Variants in DIAPH3 observed in about 807,000 individuals in gnomAD.
DIAPH3 encodes the protein protein diaphanous homolog 3.
In DIAPH3, 117 loss-of-function variants were observed where a neutral mutation model predicts 144.3. The observed-to-expected ratio is 0.81, with a 90% CI of 0.70 to 0.95. The LOEUF (loss-of-function observed/expected upper bound fraction) is 0.95. Among genes scored for constraint, DIAPH3 ranks in the 40% least tolerant of loss-of-function variants. The pLI, the probability that DIAPH3 is intolerant of heterozygous loss-of-function variation, is 0.00. For synonymous variants in DIAPH3, 519 were observed against 488.9 expected, an observed-to-expected ratio of 1.06 and a Z score of -0.81; for missense variants, 1,421 against 1,412.7, an observed-to-expected ratio of 1.01 and a Z score of -0.09.
intron 20 of DIAPH3, 63 bp from the exon 21 acceptor site, chr13:59,879,531 C>T (rs1022711780): frequency 5.6e-6 from 9 of 1,600,170 alleles, no homozygotes; most frequent in Non-Finnish European, 7.7e-6. Context: ...TACTGTACGA[C>T]TGCAAGTAAT....
chr13:59,864,850 A>C (rs905420096), intron 21 of DIAPH3, among the ~76,000 whole-genome samples: 1 of 152,050 alleles, frequency 6.6e-6, no homozygotes, highest in Non-Finnish European at 1.5e-5. Flanking sequence ...AGTATTAAAA[A>C]GTACACTCAC....
At chr13:59,942,603 C>T (rs756992916) in intron 17 of DIAPH3, among the ~76,000 whole-genome samples, 1 of 152,062 alleles carries the variant, frequency 6.6e-6, no homozygotes, top group African/African-American at 2.4e-5. Context: ...CACATTAATA[C>T]AAATATTCCC....
At chr13:59,821,771 T>C (rs531414878) in intron 24 of DIAPH3, among the ~76,000 whole-genome samples, 1 of 152,164 alleles carries the variant, frequency 6.6e-6, no homozygotes, top group Non-Finnish European at 1.5e-5. Context: ...AAAACTGTTA[T>C]CAATGAAAAT....
At chr13:59,708,796 T>G (rs1298560497) in intron 27 of DIAPH3, among the ~76,000 whole-genome samples, 1 of 152,188 alleles carries the variant, frequency 6.6e-6, no homozygotes, top group African/African-American at 2.4e-5. Flanking sequence ...GAATGCATTT[T>G]CTGAATGCTT....
At chr13:59,762,415 T>G (rs1042637197) in intron 27 of DIAPH3, among the ~76,000 whole-genome samples, 1 of 151,912 alleles carries the variant, frequency 6.6e-6, no homozygotes, top group Non-Finnish European at 1.5e-5. Flanking sequence ...CTGCCATATT[T>G]AATTGGAACA....
At chr13:60,083,942 T>C (rs1272865397) in intron 4 of DIAPH3, among the ~76,000 whole-genome samples, 4 of 150,708 alleles carry the variant, frequency 2.7e-5, no homozygotes, top group Middle Eastern at 3.2e-3. Flanking sequence ...GATGGATGGA[T>C]GGATGGATGG....
At chr13:59,808,873 C>T (rs2040321932) in intron 25 of DIAPH3, among the ~76,000 whole-genome samples, 1 of 152,106 alleles carries the variant, frequency 6.6e-6, no homozygotes, top group African/African-American at 2.4e-5. Context: ...GAAATGTTTA[C>T]AGTGATTTTT....
chr13:60,041,999 C>T (rs74968395), intron 5 of DIAPH3, among the ~76,000 whole-genome samples: 2,097 of 152,056 alleles, frequency 0.014, 65 homozygotes, highest in East Asian at 0.1. Flanking sequence ...ACAAGTCTGT[C>T]TCCTACCATG....
At chr13:59,705,011 TG>T (rs1566199384) in intron 27 of DIAPH3, among the ~76,000 whole-genome samples, 4 of 151,988 alleles carry the variant, frequency 2.6e-5, no homozygotes, top group African/African-American at 9.7e-5. Context: ...AGGAGAAACC[TG>T]AATGAAAGTG....
intron 23 of DIAPH3, among the ~76,000 whole-genome samples, chr13:59,836,498 T>C (rs578075990): frequency 1.3e-5 from 2 of 151,902 alleles, no homozygotes; most frequent in East Asian, 3.9e-4. Context: ...TTTGAAATAA[T>C]AGTGCATCCT....
intron 2 of DIAPH3, among the ~76,000 whole-genome samples, chr13:60,125,798 G>A (rs2058976609): frequency 6.6e-6 from 1 of 152,092 alleles, no homozygotes; most frequent in Non-Finnish European, 1.5e-5. Flanking sequence ...TGGGAAGGTG[G>A]CATTTTGGGT....
intron 18 of DIAPH3, among the ~76,000 whole-genome samples, chr13:59,917,889 CAAAAAAAAAAAAA>C (rs60792156): frequency 0.02 from 371 of 18,662 alleles, 6 homozygotes; most frequent in Non-Finnish European, 0.032. Context: ...GACTCTGTCT[CAAAAAAAAAAAAA>C]AAAAAAAAAA....
At chr13:59,799,124 A>G (rs2039761271) in intron 25 of DIAPH3, among the ~76,000 whole-genome samples, 1 of 152,020 alleles carries the variant, frequency 6.6e-6, no homozygotes, top group African/African-American at 2.4e-5. Flanking sequence ...AGAGAAATCC[A>G]ATTGTTCTAT....
At chr13:60,048,177 C>T (rs1235901893) in intron 4 of DIAPH3, among the ~76,000 whole-genome samples, 2 of 152,166 alleles carry the variant, frequency 1.3e-5, no homozygotes, top group Non-Finnish European at 2.9e-5. Flanking sequence ...GGCAAAACCT[C>T]GCCTCTCCAG....
intron 18 of DIAPH3, among the ~76,000 whole-genome samples, chr13:59,916,731 C>G (rs1326862866): frequency 6.6e-6 from 1 of 152,128 alleles, no homozygotes; most frequent in Non-Finnish European, 1.5e-5. Flanking sequence ...TACATTAACA[C>G]TTTTACAAGT....
At chr13:59,936,925 AG>A (rs1424279919) in intron 17 of DIAPH3, among the ~76,000 whole-genome samples, 1 of 152,098 alleles carries the variant, frequency 6.6e-6, no homozygotes, top group Non-Finnish European at 1.5e-5. Flanking sequence ...GCACTTTGGG[AG>A]GCTGAGGTGG....
intron 4 of DIAPH3, among the ~76,000 whole-genome samples, chr13:60,063,403 T>C (rs2056841868): frequency 6.6e-6 from 1 of 152,160 alleles, no homozygotes; most frequent in Non-Finnish European, 1.5e-5. Context: ...GAAGTCAACT[T>C]CTTCAAAACT....
chr13:59,804,254 C>T (rs1381552635), intron 25 of DIAPH3, among the ~76,000 whole-genome samples: 1 of 152,150 alleles, frequency 6.6e-6, no homozygotes, highest in Non-Finnish European at 1.5e-5. Flanking sequence ...ACATGACTGA[C>T]CCTCTCACAC....
At chr13:59,943,600 C>T (rs1290468317) in intron 17 of DIAPH3, among the ~76,000 whole-genome samples, 1 of 152,074 alleles carries the variant, frequency 6.6e-6, no homozygotes, top group African/African-American at 2.4e-5. Flanking sequence ...ACAGAAAAGT[C>T]AAATGTTAAG....
Sources: gnomAD v4.1 joint callset for allele counts (sites outside exome capture counted in the v4.1 genomes callset) on GRCh38, gnomAD v4.1.1 for gene constraint, MANE v1.5 for transcripts, NCBI Gene and HGNC (gene_info 2026-07-23, HGNC 2026-07-21) for gene names.